Variants in ECPAS observed in about 807,000 individuals in gnomAD.
The protein encoded by ECPAS is proteasome adapter and scaffold protein ECM29.
Under a neutral mutation model 255.1 loss-of-function variants are expected in ECPAS, and 70 were observed. The observed-to-expected ratio is 0.27, with a 90% confidence interval of 0.23 to 0.33. ECPAS has a LOEUF of 0.33. ECPAS is among the 10% of genes least tolerant of loss of function. The probability of loss-of-function intolerance (pLI) is 1.00; values close to 1 mark genes in which losing one functional copy is unlikely to be tolerated. For missense variants in ECPAS, 1,817 were observed against 2,206.4 expected (o/e 0.82, Z 3.54); for synonymous variants, 784 against 775.0 (o/e 1.01, Z -0.19).
chr9:111,453,858 A>G (rs572621497), intron 2 of ECPAS, among the ~76,000 whole-genome samples: 1 of 152,152 alleles, frequency 6.6e-6, no homozygotes, highest in South Asian at 2.1e-4. Flanking sequence ...AGACTAAAAA[A>G]CTGTCTCAGA....
In ECPAS at chr9:111,422,088, G is replaced by A. The variant is rs764220275; in HGVS notation, c.1333-45C>T. The A allele has an allele frequency of 3.7e-6, 6 of 1,613,432 alleles. No individual in the cohort carries two copies. In the Admixed American group the frequency reaches 1.0e-4, roughly 27 times the overall value. ...GTTTCCCTCCTTGTTGGGTTCCCAG[G>A]GGAACATCCAAACACAAAGCATAAA... On this transcript the variant is annotated intron_variant, in intron 14 of 49. Transcript: ENST00000684092.
intron 35 of ECPAS, among the ~76,000 whole-genome samples, chr9:111,380,615 T>G (rs1311406060): frequency 1.3e-5 from 2 of 152,204 alleles, no homozygotes; most frequent in Non-Finnish European, 2.9e-5. Flanking sequence ...GGCACTGACT[T>G]CTCTCTAGCT....
chr9:111,373,531 C>A, intron 39 of ECPAS, 125 bp from the exon 40 acceptor site: 1 of 713,366 alleles, frequency 1.4e-6, no homozygotes. Flanking sequence ...GTTTAGATTT[C>A]TGGATGTTAT....
At chr9:111,368,906 G>A (rs978459982) in intron 46 of ECPAS, 129 bp downstream of exon 46, 27 of 912,546 alleles carry the variant, frequency 3.0e-5, no homozygotes, top group Admixed American at 1.0e-4. Flanking sequence ...ACTTTCACTG[G>A]ATAATTCTCA....
intron 24 of ECPAS, among the ~76,000 whole-genome samples, chr9:111,404,289 CT>C (rs2098180580): frequency 6.7e-6 from 1 of 149,296 alleles, no homozygotes; most frequent in African/African-American, 2.5e-5. Flanking sequence ...GAAATTGAGA[CT>C]AAAAAAACTA....
chr9:111,366,317 A>G lies in ECPAS; in HGVS notation c.5230T>C (p.Leu1744=), dbSNP rs1336778356. The G allele has an allele frequency of 1.3e-6, 2 of 1,572,262 alleles. No individual in the cohort carries two copies. Among genetic ancestry groups the G allele is most frequent in the African/African-American group, 1.3e-5 (1 of 74,292 alleles). ...TCAGGATCGGCATGTTCTTCTTCCA[A>G]AAGCATTAACCTATACAAATCAGAA... ...MNAFFQGLML[L]EEEHADPEAL... The change falls in exon 48 of 50, where the codon TTG becomes CTG. Residue 1744 remains leucine, a synonymous_variant. Coordinates refer to ENST00000684092, the MANE Select transcript of ECPAS (RefSeq NM_001364929.1).
intron 2 of ECPAS, among the ~76,000 whole-genome samples, chr9:111,457,579 G>T (rs1032911701): frequency 2.6e-5 from 4 of 152,114 alleles, no homozygotes; most frequent in Non-Finnish European, 5.9e-5. Flanking sequence ...CCTTCTGATG[G>T]TTTCTATTAT....
At chr9:111,391,629 C>A in intron 29 of ECPAS, 127 bp downstream of exon 29, 3 of 584,630 alleles carry the variant, frequency 5.1e-6, no homozygotes, top group South Asian at 2.4e-5. Context: ...AAGTTTTCTT[C>A]TTCCACCAAT....
chr9:111,472,382 T>C (rs1187555412), intron 2 of ECPAS, among the ~76,000 whole-genome samples: 1 of 151,012 alleles, frequency 6.6e-6, no homozygotes, highest in East Asian at 2.0e-4. Context: ...TTGTGCACAG[T>C]GCTAAATAAC....
intron 35 of ECPAS, among the ~76,000 whole-genome samples, chr9:111,382,594 C>G (rs571779717): frequency 5.3e-4 from 81 of 152,014 alleles, no homozygotes; most frequent in Non-Finnish European, 9.7e-4. Context: ...TTGCGTCATG[C>G]CTTTGCATTT....
At chr9:111,431,288 T>C (rs2098229539) in intron 8 of ECPAS, among the ~76,000 whole-genome samples, 1 of 152,186 alleles carries the variant, frequency 6.6e-6, no homozygotes, top group Non-Finnish European at 1.5e-5. Flanking sequence ...CTGGGCATGG[T>C]GGCTCACACC....
In ECPAS at chr9:111,407,189, G is replaced by C. The variant is rs540249567; in HGVS notation, c.2652+1382C>G. Among the ~76,000 whole-genome samples, 136 of 146,390 alleles carry C rather than the reference G, an allele frequency of 9.3e-4. 12 individuals carry two copies. The highest frequency in any genetic ancestry group is 3.0e-3 in the African/African-American group (113 of 37,654). On this transcript the variant is annotated intron_variant, in intron 24 of 49. Coordinates refer to ENST00000684092, the MANE Select transcript of ECPAS (RefSeq NM_001364929.1). Reference sequence around the variant, plus strand: ...GGCCGAGGTGGGCGGATCACCTGAGGGCAGAAGTTCAAGACCAGCCTGGTC... The same window carrying C: ...GGCCGAGGTGGGCGGATCACCTGAGCGCAGAAGTTCAAGACCAGCCTGGTC...
At chr9:111,461,095 A>G (rs1411105514) in intron 2 of ECPAS, among the ~76,000 whole-genome samples, 3 of 152,212 alleles carry the variant, frequency 2.0e-5, no homozygotes, top group African/African-American at 7.2e-5. Context: ...AAAGAAATGC[A>G]AAGGACCAAG....
In ECPAS at chr9:111,361,068, G is replaced by C. The variant is rs2098112815; in HGVS notation, c.*962C>G. ...CATTTTTTAAAAGAGTAATTCCCAG[G>C]TGGCTAATTAAAAGGCTTTCCTTCT... On this transcript the variant is annotated 3_prime_UTR_variant, in exon 50 of 50. Coordinates refer to ENST00000684092, the MANE Select transcript of ECPAS (RefSeq NM_001364929.1). 6.6e-6 allele frequency: 1 copy of C among 152,168 alleles called. No homozygotes were observed. The highest frequency in any genetic ancestry group is 2.4e-5 in the African/African-American group (1 of 41,440). The allele number at this position is 152,168 out of a possible 1,614,324, so 9.4% of individuals were successfully genotyped here. A position where few individuals can be genotyped will look rare whatever the true frequency, so the allele number is the denominator to read the frequency against.
intron 24 of ECPAS, among the ~76,000 whole-genome samples, chr9:111,397,354 T>G (rs2098169143): frequency 6.6e-6 from 1 of 152,132 alleles, no homozygotes; most frequent in Non-Finnish European, 1.5e-5. Context: ...TTGAAGATAT[T>G]TTTCAAAGTC....
In ECPAS at chr9:111,466,750, T is replaced by A. The variant is rs572971779; in HGVS notation, c.22+6147A>T. Among the ~76,000 whole-genome samples, 407 of 152,130 alleles carry A rather than the reference T, an allele frequency of 2.7e-3. 1 individual carries two copies. Among genetic ancestry groups the A allele is most frequent in the Admixed American group, 6.0e-3 (92 of 15,268 alleles). ...TGCAGTCTCAAGCCATTCTTCCACC[T>A]CAGCCTTGGAAGTAGCTAGAATCAC... On this transcript the variant is annotated intron_variant, in intron 2 of 49. Transcript: ENST00000684092.
chr9:111,409,222 T>C (rs1306940383), intron 23 of ECPAS, among the ~76,000 whole-genome samples: 1 of 152,140 alleles, frequency 6.6e-6, no homozygotes, highest in Non-Finnish European at 1.5e-5. Context: ...ATACTGTATA[T>C]CTTCTCAGAA....
chr9:111,387,903 T>C (rs933975412), intron 31 of ECPAS, among the ~76,000 whole-genome samples: 13 of 152,164 alleles, frequency 8.5e-5, no homozygotes, highest in Admixed American at 2.6e-4. Context: ...AGTGTCTCAC[T>C]CATCATCAGT....
At position 111,389,710 on chromosome 9, in the gene ECPAS, C is replaced by T. The variant is rs750624823; in HGVS notation, c.3293G>A (p.Gly1098Asp). ...AGCTCTGGTAGCAATTACATTAAAACCAAAAGCAGCACCCTAAAAATAATA... is the reference window on the plus strand; with the variant it reads ...AGCTCTGGTAGCAATTACATTAAAATCAAAAGCAGCACCCTAAAAATAATA... ...MWNSRKGAAF[G>D]FNVIATRAGE... Residue 1098 changes from glycine to aspartate, a missense_variant, in exon 31 of 50, where the codon GGT (glycine) becomes GAT (aspartate). By Grantham distance (94) the Gly-to-Asp change is moderately conservative. Transcript: ENST00000684092. 8.1e-6 allele frequency: 13 copies of T among 1,610,932 alleles called. No individual in the cohort carries two copies. The highest frequency in any genetic ancestry group is 1.3e-5 in the African/African-American group (1 of 74,710).
Sources: allele counts gnomAD v4.1 joint callset (sites outside exome capture counted in the v4.1 genomes callset), GRCh38; gene constraint gnomAD v4.1.1; transcripts MANE v1.5; gene names NCBI Gene and HGNC (gene_info 2026-07-23, HGNC 2026-07-21).